Variants in ZNF222 observed in about 807,000 individuals in gnomAD.
ZNF222 encodes the protein zinc finger protein 222.
In ZNF222, 8 loss-of-function variants were observed where a neutral mutation model predicts 11.6. The ratio of observed to expected loss-of-function variants is 0.69; its 90% CI spans 0.41 to 1.25. The LOEUF is 1.25. ZNF222 is among the 50% of genes most tolerant of loss of function. The pLI, the probability that ZNF222 is intolerant of heterozygous loss-of-function variation, is 0.01. For missense variants in ZNF222, 483 were observed against 576.1 expected, an observed-to-expected ratio of 0.84 and a Z score of 1.65; for synonymous variants, 171 against 195.6, an observed-to-expected ratio of 0.87 and a Z score of 1.05.
chr19:44,032,241 A>G lies in ZNF222; in HGVS notation c.687A>G (p.Gln229=), dbSNP rs267605530. ...AATTTAGTCAGAGCTCACGTCTGCA[A>G]ACTCATCAAAGAGTCCACACTGGAG... ...GKEFSQSSRL[Q]THQRVHTGEK... is the part of the protein sequence containing the mutation. Residue 229 remains glutamine (Q), a synonymous_variant, in exon 4 of 4, where the codon CAA becomes CAG. Transcript: ENST00000391960. 6.2e-7 allele frequency: 1 copy of G among 1,614,238 alleles called. No homozygotes were observed. The highest frequency in any genetic ancestry group is 2.2e-5 in the East Asian group (1 of 44,886).
At chr19:44,026,960 A>C in intron 1 of ZNF222, 63 bp from the exon 2 acceptor site, 1 of 1,607,258 alleles carries the variant, frequency 6.2e-7, no homozygotes, top group Non-Finnish European at 8.5e-7. Context: ...TGCCAGTGCA[A>C]TGCTGCTGTC....
intron 1 of ZNF222, among the ~76,000 whole-genome samples, chr19:44,026,337 G>GCCT (rs1265189680): frequency 6.6e-6 from 1 of 152,018 alleles, no homozygotes; most frequent in East Asian, 1.9e-4. Flanking sequence ...CCAGGTTAGA[G>GCCT]CCTGAGTTGA....
chr19:44,032,643 A>G lies in ZNF222; in HGVS notation c.1089A>G (p.Lys363=), dbSNP rs1232084503. 2.5e-6 allele frequency: 4 copies of G among 1,613,868 alleles called. No homozygotes were observed. The African/African-American group carries it at 5.3e-5, about 22-fold the overall frequency. ...YNCKECGKSF[K]WSSYLLVHQR... is the part of the protein sequence containing the mutation. ...GTAAAGAATGTGGGAAGAGCTTCAA[A>G]TGGTCCTCATATCTTTTGGTCCATC... The change falls in exon 4 of 4, where the codon AAA becomes AAG. Residue 363 remains lysine, a synonymous_variant. Transcript: ENST00000391960.
rs559715598 is a variant in ZNF222, at chr19:44,028,080, T to C, written c.262+590T>C. On this transcript the variant is annotated intron_variant, in intron 3 of 3. Transcript: ENST00000391960. Reference sequence around the variant, plus strand: ...TTGGTTTACCAGTCTCTAGTCACTGTCCACACTCCGTGGCTCTTGTTTCCC... The same window carrying C: ...TTGGTTTACCAGTCTCTAGTCACTGCCCACACTCCGTGGCTCTTGTTTCCC... 11 of 400,120 alleles carry C rather than the reference T, an allele frequency of 2.7e-5. No individual in the cohort carries two copies. In the South Asian group the frequency reaches 1.1e-3, roughly 42 times the overall value. 24.8% of individuals were successfully genotyped at this position (400,120 alleles called of 1,614,324 possible).
Position 44,032,282 on chromosome 19 carries a change from G to A in ZNF222, c.728G>A (p.Cys243Tyr). ...RVHTGEKPFK[C>Y]EQCGKGFRCR... ...CACACTGGAGAGAAACCATTCAAAT[G>A]TGAGCAGTGTGGGAAAGGCTTCAGA... The change falls in exon 4 of 4, where the codon TGT (cysteine) becomes TAT (tyrosine). Residue 243 changes from cysteine (C) to tyrosine (Y), a missense_variant. By Grantham distance (194) the Cys-to-Tyr change is radical. Coordinates refer to ENST00000391960, the MANE Select transcript of ZNF222 (RefSeq NM_001129996.2). The A allele has an allele frequency of 6.2e-7, 1 of 1,614,176 alleles. No individual in the cohort carries two copies. Among genetic ancestry groups the A allele is most frequent in the Non-Finnish European group, 8.5e-7 (1 of 1,180,034 alleles).
In ZNF222 at chr19:44,030,030, T is replaced by C. The variant is rs748465163; in HGVS notation, c.263-1787T>C. ...TTTTGTAAATGTTTATTGCAGGTTTTAACTTTATTTCAGCTCATTGAGGCA... is the reference window on the plus strand; with the variant it reads ...TTTTGTAAATGTTTATTGCAGGTTTCAACTTTATTTCAGCTCATTGAGGCA... On this transcript the variant is annotated intron_variant, in intron 3 of 3. Transcript: ENST00000391960. Among the ~76,000 whole-genome samples the C allele has an allele frequency of 2.6e-5, 4 of 152,232 alleles. No individual in the cohort carries two copies. In the South Asian group the frequency reaches 8.3e-4, roughly 32 times the overall value.
chr19:44,029,473 AT>A (rs1976454900), intron 3 of ZNF222, among the ~76,000 whole-genome samples: 1 of 152,078 alleles, frequency 6.6e-6, no homozygotes, highest in African/African-American at 2.4e-5. Flanking sequence ...AAATGTGTCT[AT>A]TTCTGCATCT....
Position 44,025,669 on chromosome 19 carries a change from C to CCGTTTATCTTCCATTGCTGGTT in ZNF222, c.42+197_42+218dup, listed in dbSNP as rs1976343485. On this transcript the variant is annotated intron_variant, in intron 1 of 3. Transcript: ENST00000391960. The surrounding 1 kb of genome is among the most constrained non-coding windows in gnomAD (Gnocchi z 4.6). ...TGTGGTGTGGAGTGTCACTTAATGT[C>CCGTTTATCTTCCATTGCTGGTT]CGTTTATCTTCCATTGCTGGTTCGT... is the stretch of plus-strand genomic sequence containing the variant. Among the ~76,000 whole-genome samples, 3 of 150,666 alleles carry CCGTTTATCTTCCATTGCTGGTT rather than the reference C, an allele frequency of 2.0e-5. No individual in the cohort carries two copies. Among genetic ancestry groups the CCGTTTATCTTCCATTGCTGGTT allele is most frequent in the African/African-American group, 7.4e-5 (3 of 40,740 alleles).
intron 3 of ZNF222, among the ~76,000 whole-genome samples, chr19:44,029,177 G>GTTTTTTTTTTT (rs1568503536): frequency 7.9e-6 from 1 of 125,914 alleles, no homozygotes; most frequent in African/African-American, 3.2e-5. Context: ...ACAGTTGTTG[G>GTTTTTTTTTTT]TTTGTTTTGT....
At position 44,031,813 on chromosome 19, in the gene ZNF222, A is replaced by G. The variant is rs777258954; in HGVS notation, c.263-4A>G. The G allele has an allele frequency of 4.3e-6, 7 of 1,611,216 alleles. No individual in the cohort carries two copies. The East Asian group carries it at 8.9e-5, about 21-fold the overall frequency. ...CCACATGTCTTAATTCTGTGTCCTTATAGGAGGCAAGATCCAAACTGAGAT... is the reference window on the plus strand; with the variant it reads ...CCACATGTCTTAATTCTGTGTCCTTGTAGGAGGCAAGATCCAAACTGAGAT... On this transcript the variant is annotated splice_polypyrimidine_tract_variant and splice_region_variant and intron_variant, in intron 3 of 3. Coordinates refer to ENST00000391960, the MANE Select transcript of ZNF222 (RefSeq NM_001129996.2).
At chr19:44,029,710 G>A (rs944314632) in intron 3 of ZNF222, among the ~76,000 whole-genome samples, 1 of 152,116 alleles carries the variant, frequency 6.6e-6, no homozygotes, top group Admixed American at 6.5e-5. Flanking sequence ...GTACTACTGT[G>A]TACTGAAAGG....
Position 44,032,878 on chromosome 19 carries a change from T to C in ZNF222, c.1324T>C (p.Cys442Arg). 6.2e-7 allele frequency: 1 copy of C among 1,613,770 alleles called. No individual in the cohort carries two copies. Among genetic ancestry groups the C allele is most frequent in the Non-Finnish European group, 8.5e-7 (1 of 1,179,976 alleles). ...AAGAAAGCCATTGAAATGTGAAGAC[T>C]GTGGAAAGAGGCTTGTATGCCGGTC... is the stretch of plus-strand genomic sequence containing the variant. ...CQRKPLKCED[C>R]GKRLVCRSYC... The change falls in exon 4 of 4, where the codon TGT (cysteine) becomes CGT (arginine). Residue 442 changes from cysteine (C) to arginine (R), a missense_variant. Cys to Arg is a radical substitution (Grantham distance 180). Coordinates refer to ENST00000391960, the MANE Select transcript of ZNF222 (RefSeq NM_001129996.2).
At chr19:44,030,782 C>T (rs534168059) in intron 3 of ZNF222, among the ~76,000 whole-genome samples, 1 of 152,124 alleles carries the variant, frequency 6.6e-6, no homozygotes, top group Non-Finnish European at 1.5e-5. Context: ...TTGGTTGATT[C>T]CCATGTGGTT....
At chr19:44,026,731 C>T (rs1252159394) in intron 1 of ZNF222, among the ~76,000 whole-genome samples, 13 of 152,044 alleles carry the variant, frequency 8.6e-5, no homozygotes. Context: ...TCTAACTCTG[C>T]AGCAAGCTTT....
At position 44,031,814 on chromosome 19, in the gene ZNF222, T is replaced by C; in HGVS notation, c.263-3T>C. ...CACATGTCTTAATTCTGTGTCCTTA[T>C]AGGAGGCAAGATCCAAACTGAGATG... is the stretch of plus-strand genomic sequence containing the variant. On this transcript the variant is annotated splice_polypyrimidine_tract_variant and splice_region_variant and intron_variant, in intron 3 of 3. Transcript: ENST00000391960. 1 of 1,611,612 alleles carries C rather than the reference T, an allele frequency of 6.2e-7. No individual in the cohort carries two copies. The highest frequency in any genetic ancestry group is 1.1e-5 in the South Asian group (1 of 90,716).
At position 44,025,389 on chromosome 19, in the gene ZNF222, C is replaced by G; in HGVS notation, c.-48C>G. ...TAGTTTGAGTCATTTCCACATCTTG[C>G]GAGTCCTTCCGAACGAGTCTCCTTT... On this transcript the variant is annotated 5_prime_UTR_variant, in exon 1 of 4. Transcript: ENST00000391960. This position sits in a 1 kb window ranked among gnomAD's most constrained non-coding sequence, Gnocchi z 4.6. 2.6e-6 allele frequency: 4 copies of G among 1,546,046 alleles called. No homozygotes were observed. The highest frequency in any genetic ancestry group is 3.5e-6 in the Non-Finnish European group (4 of 1,141,928).
Position 44,032,966 on chromosome 19 carries a change from G to C in ZNF222, c.1412G>C (p.Gly471Ala), listed in dbSNP as rs757002217. Residue 471 changes from glycine to alanine, a missense_variant, in exon 4 of 4, where the codon GGG becomes GCG. Transcript: ENST00000391960. The stretch of plus-strand genomic sequence containing the variant: ...AACCCATCCAAATGTGAGGACTGTG[G>C]GAAGCGCTACAAGAGGCGCTTGAAT... The part of the protein sequence containing the change: ...GENPSKCEDC[G>A]KRYKRRLNLD... The C allele has an allele frequency of 4.4e-6, 7 of 1,586,406 alleles. No homozygotes were observed. The Admixed American group carries it at 1.4e-4, about 31-fold the overall frequency.
Position 44,032,458 on chromosome 19 carries a change from T to C in ZNF222, c.904T>C (p.Cys302Arg). ...GGAGAAGCCATTCAAATGTGAAATA[T>C]GTGGTAAGAGCTTCTGTCTTAGGTC... is the stretch of plus-strand genomic sequence containing the variant. ...TGEKPFKCEI[C>R]GKSFCLRSSL... Residue 302 changes from cysteine (C) to arginine (R), a missense_variant, in exon 4 of 4, where the codon TGT becomes CGT. Physicochemically the swap from Cys to Arg is radical, Grantham distance 180. Transcript: ENST00000391960. The C allele has an allele frequency of 6.2e-6, 10 of 1,614,222 alleles. No individual in the cohort carries two copies. Among genetic ancestry groups the C allele is most frequent in the Non-Finnish European group, 7.6e-6 (9 of 1,180,038 alleles).
intron 3 of ZNF222, among the ~76,000 whole-genome samples, chr19:44,031,540 T>C (rs1976500191): frequency 6.6e-6 from 1 of 152,156 alleles, no homozygotes; most frequent in Admixed American, 6.5e-5. Context: ...TGGAGTGCAA[T>C]GGCCTGATCT....
Sources: gnomAD v4.1 joint callset for allele counts (sites outside exome capture counted in the v4.1 genomes callset) on GRCh38, gnomAD v4.1.1 for gene constraint, Gnocchi (gnomAD v3.1) non-coding constraint, MANE v1.5 for transcripts, NCBI Gene and HGNC (gene_info 2026-07-23, HGNC 2026-07-21) for gene names.